Variants in LIN37 observed in about 807,000 individuals in gnomAD.
LIN37 encodes the protein lin-37 DREAM MuvB core complex component.
In LIN37, 21 loss-of-function variants were observed where a neutral mutation model predicts 38.0. That is an observed-to-expected ratio of 0.55 (90% CI 0.39 to 0.80). The LOEUF (loss-of-function observed/expected upper bound fraction) is 0.80, where lower values mean the gene tolerates loss of function less well. Ranked by LOEUF, LIN37 falls within the 30% of genes least tolerant of loss-of-function variation. LIN37 has a pLI of 0.00. For synonymous variants in LIN37, 126 were observed against 122.9 expected (o/e 1.03, Z -0.17); for missense variants, 273 against 338.5 (o/e 0.81, Z 1.52).
intron 1 of LIN37, chr19:35,749,044 T>C (rs752914335): frequency 5.7e-5 from 63 of 1,104,642 alleles, no homozygotes; most frequent in Middle Eastern, 3.8e-4. Context: ...CTTTCCTCTT[T>C]TTTTTAATTT....
At position 35,753,272 on chromosome 19, in the gene LIN37, C is replaced by CCCAGCCCAGCAGCCTGGTG. The variant is rs573887742; in HGVS notation, c.444+24_444+42dup. The CCCAGCCCAGCAGCCTGGTG allele has an allele frequency of 2.3e-4, 355 of 1,543,052 alleles. 5 individuals are homozygous for CCCAGCCCAGCAGCCTGGTG. In the South Asian group the frequency reaches 4.1e-3, roughly 18 times the overall value. On this transcript the variant is annotated intron_variant, in intron 6 of 8. Transcript: ENST00000301159. ...TGAGGAGGTGGGATGGGTAGTGGGT[C>CCCAGCCCAGCAGCCTGGTG]CCAGCCCAGCAGCCTGGTGCCAGGG...
rs1262759173 is a variant in LIN37 at position 35,754,271 on chromosome 19, C to T, written c.611C>T (p.Ser204Phe). 1.9e-6 allele frequency: 3 copies of T among 1,613,944 alleles called. No homozygotes were observed. In the Admixed American group the frequency reaches 5.0e-5, roughly 27 times the overall value. The stretch of plus-strand genomic sequence containing the variant: ...CCCTCTGAGCCCGAGCCCTCACCCT[C>T]CACACTCATCTATCGCAACATGCAG... ...DEPSEPEPSP[S>F]TLIYRNMQRW... The change falls in exon 8 of 9, where the codon TCC (serine) becomes TTC (phenylalanine). Residue 204 changes from serine to phenylalanine, a missense_variant. Coordinates refer to ENST00000301159, the MANE Select transcript of LIN37 (RefSeq NM_019104.3).
At chr19:35,753,954 G>A (rs754396545) in intron 6 of LIN37, 63 bp from the exon 7 acceptor site, 125 of 1,570,566 alleles carry the variant, frequency 8.0e-5, no homozygotes, top group Non-Finnish European at 1.0e-4. Flanking sequence ...AGGGATGAAT[G>A]TGGATTCCCA....
intron 1 of LIN37, among the ~76,000 whole-genome samples, chr19:35,750,192 AG>A (rs1970663028): frequency 6.6e-6 from 1 of 151,746 alleles, no homozygotes; most frequent in African/African-American, 2.4e-5. Flanking sequence ...ATCCATGGTG[AG>A]GTACAGGGAG....
chr19:35,753,189 C>T lies in LIN37; in HGVS notation c.380C>T (p.Pro127Leu), dbSNP rs1478503569. The T allele has an allele frequency of 1.9e-6, 3 of 1,575,028 alleles. No individual in the cohort carries two copies. Among genetic ancestry groups the T allele is most frequent in the South Asian group, 1.2e-5 (1 of 85,582 alleles). ...PICRAWMRNSPSVRERECSPS... is the reference protein window; with the variant it reads ...PICRAWMRNSLSVRERECSPS... The stretch of plus-strand genomic sequence containing the variant: ...TGCCGCGCCTGGATGCGCAACAGCC[C>T]CTCTGTGCGCGAGCGTGAATGCTCT... Residue 127 changes from proline (P) to leucine (L), a missense_variant, in exon 6 of 9, where the codon CCC becomes CTC. Coordinates refer to ENST00000301159, the MANE Select transcript of LIN37 (RefSeq NM_019104.3).
intron 1 of LIN37, among the ~76,000 whole-genome samples, chr19:35,751,328 A>G (rs1970679554): frequency 6.6e-6 from 1 of 152,250 alleles, no homozygotes. Flanking sequence ...CTCACAAAAC[A>G]GAAATACATT....
At chr19:35,748,871 A>G in intron 1 of LIN37, 113 bp downstream of exon 1, 1 of 1,596,800 alleles carries the variant, frequency 6.3e-7, no homozygotes, top group Non-Finnish European at 8.6e-7. Flanking sequence ...CCTGAAGCCC[A>G]CCTGACAATC....
At chr19:35,753,376 G>T (rs1178353353) in intron 6 of LIN37, 123 bp downstream of exon 6, 3 of 1,180,702 alleles carry the variant, frequency 2.5e-6, no homozygotes, top group Non-Finnish European at 3.6e-6. Context: ...GTGAATCCTG[G>T]ATCAGGCTAG....
Position 35,753,092 on chromosome 19 carries a change from T to C in LIN37, c.283T>C (p.Tyr95His). The change falls in exon 6 of 9, where the codon TAT becomes CAT. Residue 95 changes from tyrosine (Y) to histidine (H), a missense_variant. Physicochemically the swap from Tyr to His is moderately conservative, Grantham distance 83. Transcript: ENST00000301159. ...AEGGPQRSNT[Y>H]VIKLFDRSVD... ...TCCCATCCCCACCTTCCCAGACACATATGTGATCAAGCTGTTCGACCGGAG... is the reference window on the plus strand; with the variant it reads ...TCCCATCCCCACCTTCCCAGACACACATGTGATCAAGCTGTTCGACCGGAG... 1.2e-6 allele frequency: 2 copies of C among 1,606,456 alleles called. No individual in the cohort carries two copies. The highest frequency in any genetic ancestry group is 1.7e-6 in the Non-Finnish European group (2 of 1,176,722).
intron 1 of LIN37, among the ~76,000 whole-genome samples, chr19:35,750,864 G>A (rs1018434269): frequency 6.6e-6 from 1 of 152,112 alleles, no homozygotes; most frequent in African/African-American, 2.4e-5. Context: ...GGGAGGCTGA[G>A]GCAGGAGAAT....
At chr19:35,752,743 G>A (rs1970695689) in intron 3 of LIN37, 61 bp from the exon 4 acceptor site, 18 of 1,581,442 alleles carry the variant, frequency 1.1e-5, no homozygotes, top group South Asian at 2.3e-5. Flanking sequence ...GTATCCCCAG[G>A]GTGCCCTCTG....
Position 35,753,156 on chromosome 19 carries a change from A to C in LIN37, c.347A>C (p.Tyr116Ser), listed in dbSNP as rs1970704228. 6.3e-7 allele frequency: 1 copy of C among 1,596,398 alleles called. No homozygotes were observed. Among genetic ancestry groups the C allele is most frequent in the Non-Finnish European group, 8.5e-7 (1 of 1,171,970 alleles). ...CAGTTCAGCGAGAACACGCCACTGT[A>C]CCCAATCTGCCGCGCCTGGATGCGC... ...LAQFSENTPL[Y>S]PICRAWMRNS... is the part of the protein sequence containing the mutation. The change falls in exon 6 of 9, where the codon TAC becomes TCC. Residue 116 changes from tyrosine to serine, a missense_variant. Physicochemically the swap from Tyr to Ser is moderately radical, Grantham distance 144. Transcript: ENST00000301159.
At chr19:35,748,822 G>A in intron 1 of LIN37, 64 bp downstream of exon 1, 1 of 1,612,790 alleles carries the variant, frequency 6.2e-7, no homozygotes, top group Non-Finnish European at 8.5e-7. Context: ...GAGTCCCGGT[G>A]GAAGGGAGTA....
At chr19:35,752,551 CCT>C in intron 3 of LIN37, 67 bp downstream of exon 3, 1 of 1,532,474 alleles carries the variant, frequency 6.5e-7, no homozygotes, top group Non-Finnish European at 9.0e-7. Context: ...TTATCCAAGC[CCT>C]GACCGCTCAG....
At chr19:35,754,220 T>G in intron 7 of LIN37, 26 bp from the exon 8 acceptor site, 2 of 1,613,946 alleles carry the variant, frequency 1.2e-6, no homozygotes, top group Non-Finnish European at 1.7e-6. Context: ...GAATGGCCAC[T>G]CAACCTGGCC....
Position 35,752,815 on chromosome 19 carries a change from T to C in LIN37, c.173T>C (p.Ile58Thr), listed in dbSNP as rs775852779. 6.2e-7 allele frequency: 1 copy of C among 1,609,294 alleles called. No homozygotes were observed. Among genetic ancestry groups the C allele is most frequent in the Non-Finnish European group, 8.5e-7 (1 of 1,178,002 alleles). The part of the protein sequence containing the change: ...PSDTHNKDCS[I>T]AATGKRPSAR... Reference sequence around the variant, plus strand: ...GTCTTTCCCCACAGGGACTGCTCCATCGCAGCCACTGGCAAAAGGTAAGGT... The same window carrying C: ...GTCTTTCCCCACAGGGACTGCTCCACCGCAGCCACTGGCAAAAGGTAAGGT... Residue 58 changes from isoleucine to threonine, a missense_variant, in exon 4 of 9, where the codon ATC (isoleucine) becomes ACC (threonine). Transcript: ENST00000301159.
Position 35,754,141 on chromosome 19 carries a change from G to A in LIN37, c.569G>A (p.Gly190Asp). The A allele has an allele frequency of 6.2e-7, 1 of 1,613,984 alleles. No individual in the cohort carries two copies. The highest frequency in any genetic ancestry group is 8.5e-7 in the Non-Finnish European group (1 of 1,179,880). Residue 190 changes from glycine to aspartate, a missense_variant, in exon 7 of 9, where the codon GGC (glycine) becomes GAC (aspartate). Physicochemically the swap from Gly to Asp is moderately conservative, Grantham distance 94 (BLOSUM62 -1). Coordinates refer to ENST00000301159, the MANE Select transcript of LIN37 (RefSeq NM_019104.3). ...TCTCCACTGCAGCCTGAGATGCAGG[G>A]CACCCCTGACGATGAGGTGAGTATG... is the stretch of plus-strand genomic sequence containing the variant. Reference protein sequence around the residue: ...IPSPLQPEMQGTPDDEPSEPE... With the variant: ...IPSPLQPEMQDTPDDEPSEPE...
At position 35,754,484 on chromosome 19, in the gene LIN37, G is replaced by A. The variant is rs1405586720; in HGVS notation, c.*10G>A. 6.2e-7 allele frequency: 1 copy of A among 1,613,136 alleles called. No homozygotes were observed. Among genetic ancestry groups the A allele is most frequent in the Admixed American group, 1.7e-5 (1 of 59,990 alleles). ...GTACGAACGACAGTGATGTTCCCAG[G>A]TCCCCCCACACCAGTAAACATCCCC... On this transcript the variant is annotated 3_prime_UTR_variant, in exon 9 of 9. Transcript: ENST00000301159.
intron 6 of LIN37, 94 bp from the exon 7 acceptor site, chr19:35,753,922 AT>A: frequency 3.5e-6 from 5 of 1,437,594 alleles, no homozygotes; most frequent in Non-Finnish European, 4.8e-6. Context: ...CCCTCATGCC[AT>A]TTGTTGCTGG....
Sources: gnomAD v4.1 joint callset for allele counts (sites outside exome capture counted in the v4.1 genomes callset) on GRCh38, gnomAD v4.1.1 for gene constraint, MANE v1.5 for transcripts, NCBI Gene and HGNC (gene_info 2026-07-23, HGNC 2026-07-21) for gene names.